Variants in RALGPS2 observed in about 807,000 individuals in gnomAD.
RALGPS2 encodes the protein Ral GEF with PH domain and SH3 binding motif 2, also known as ras-specific guanine nucleotide-releasing factor RalGPS2.
A neutral mutation model predicts 86.8 loss-of-function variants in RALGPS2; 43 were observed. The observed-to-expected ratio is 0.50, with a 90% confidence interval of 0.39 to 0.64. RALGPS2 has a LOEUF of 0.64. Among genes scored for constraint, RALGPS2 ranks in the 30% least tolerant of loss-of-function variants. The pLI is 0.00. For synonymous variants in RALGPS2, 243 were observed against 231.3 expected (o/e 1.05, Z -0.46); for missense variants, 536 against 694.6 (o/e 0.77, Z 2.57).
At chr1:178,877,367 A>G in intron 8 of RALGPS2, 131 bp from the exon 9 acceptor site, 2 of 1,356,870 alleles carry the variant, frequency 1.5e-6, no homozygotes, top group South Asian at 3.1e-5. Context: ...GCTTCAGTGT[A>G]TTAATAGCAA....
At chr1:178,766,844 A>G (rs767743869) in intron 1 of RALGPS2, among the ~76,000 whole-genome samples, 1 of 152,218 alleles carries the variant, frequency 6.6e-6, no homozygotes, top group Non-Finnish European at 1.5e-5. Flanking sequence ...ATGTTTTCCA[A>G]GTTGCCTGCT....
intron 8 of RALGPS2, among the ~76,000 whole-genome samples, chr1:178,845,164 G>A (rs6666070): frequency 0.1 from 15,637 of 151,628 alleles, 1,848 homozygotes; most frequent in African/African-American, 0.29. Context: ...GCAGTACTCT[G>A]TACTGCTTCC....
In RALGPS2 at chr1:178,857,932, G is replaced by T. The variant is rs186587165; in HGVS notation, c.608-19566G>T. 7.2e-5 allele frequency among the ~76,000 whole-genome samples: 11 copies of T among 152,234 alleles called. No individual in the cohort carries two copies. The East Asian group carries it at 2.1e-3, about 29-fold the overall frequency. On this transcript the variant is annotated intron_variant, in intron 8 of 19. Coordinates refer to ENST00000367635, the MANE Select transcript of RALGPS2 (RefSeq NM_152663.5). ...TCAGATGTTTAAAGCAAAATAGAGA[G>T]TTCTGGTTTTCTGAATCCAGCTTTG...
chr1:178,819,208 T>A (rs7554100), intron 6 of RALGPS2, among the ~76,000 whole-genome samples: 2 of 151,788 alleles, frequency 1.3e-5, no homozygotes, highest in African/African-American at 4.8e-5. Context: ...GCCCAGGCTG[T>A]TCATGAACTC....
chr1:178,848,448 G>A (rs1366089977), intron 8 of RALGPS2, among the ~76,000 whole-genome samples: 1 of 152,122 alleles, frequency 6.6e-6, no homozygotes, highest in Non-Finnish European at 1.5e-5. Flanking sequence ...GTAGCTCTTG[G>A]ACCTTACCTA....
chr1:178,871,098 T>A (rs1193418923), intron 8 of RALGPS2: 1 of 152,096 alleles, frequency 6.6e-6, no homozygotes, highest in African/African-American at 2.4e-5. Context: ...AGTGATTCCC[T>A]CTTTCTCAGT....
intron 8 of RALGPS2, chr1:178,869,090 ATAAAT>A (rs1403586670): frequency 1.3e-5 from 2 of 152,102 alleles, no homozygotes; most frequent in African/African-American, 4.8e-5. Flanking sequence ...AGAGAATGTT[ATAAAT>A]TAGTTATAGA....
At chr1:178,780,276 A>G (rs959692922) in intron 2 of RALGPS2, among the ~76,000 whole-genome samples, 2 of 152,140 alleles carry the variant, frequency 1.3e-5, no homozygotes, top group Non-Finnish European at 2.9e-5. Context: ...GAGCCTGTCC[A>G]CTGTGCTTTA....
chr1:178,808,090 G>T lies in RALGPS2; in HGVS notation c.259G>T (p.Ala87Ser), dbSNP rs1572353081. Residue 87 changes from alanine (A) to serine (S), a missense_variant, in exon 5 of 20, where the codon GCA becomes TCA. Physicochemically the swap from Ala to Ser is moderately conservative, Grantham distance 99. Coordinates refer to ENST00000367635, the MANE Select transcript of RALGPS2 (RefSeq NM_152663.5). ...GAATAAAAAAGAAAAATATAGTTCT[G>T]CACCAAATGCAGTTGCCTTCACAAG... Reference protein sequence around the residue: ...GWNKKEKYSSAPNAVAFTRRF... With the variant: ...GWNKKEKYSSSPNAVAFTRRF... The T allele has an allele frequency of 6.2e-7, 1 of 1,611,138 alleles. No homozygotes were observed. The highest frequency in any genetic ancestry group is 2.2e-5 in the East Asian group (1 of 44,736).
At chr1:178,894,123 A>G in intron 16 of RALGPS2, 99 bp downstream of exon 16, 1 of 689,550 alleles carries the variant, frequency 1.5e-6, no homozygotes, top group East Asian at 2.8e-5. Context: ...AAACCTGATT[A>G]TAGTAGACTT....
At chr1:178,842,828 A>G (rs1656657600) in intron 8 of RALGPS2, among the ~76,000 whole-genome samples, 1 of 148,072 alleles carries the variant, frequency 6.8e-6, no homozygotes, top group African/African-American at 2.5e-5. Context: ...CAACCCCATC[A>G]AAAAGTGGGC....
intron 7 of RALGPS2, among the ~76,000 whole-genome samples, chr1:178,824,589 A>G (rs958278219): frequency 6.6e-6 from 1 of 152,120 alleles, no homozygotes; most frequent in African/African-American, 2.4e-5. Context: ...CGGGCGGATC[A>G]CAAGGTCAGG....
chr1:178,830,065 G>A (rs1332045170), intron 7 of RALGPS2, among the ~76,000 whole-genome samples: 4 of 152,124 alleles, frequency 2.6e-5, no homozygotes, highest in Admixed American at 6.5e-5. Context: ...AATCTTAAAT[G>A]TTCTTACCAT....
rs1250113913 is a variant in RALGPS2, at chr1:178,811,313, A to G, written c.298-2A>G. On this transcript the variant is annotated splice_acceptor_variant, in intron 5 of 19. Coordinates refer to ENST00000367635, the MANE Select transcript of RALGPS2 (RefSeq NM_152663.5). LOFTEE classifies it high-confidence loss of function. ...ATATTTATTTAAAATTTTTATTTACAGGTAAGCTTTTGGGTTGTTAGAGAG... is the reference window on the plus strand; with the variant it reads ...ATATTTATTTAAAATTTTTATTTACGGGTAAGCTTTTGGGTTGTTAGAGAG... 2 of 1,527,780 alleles carry G rather than the reference A, an allele frequency of 1.3e-6. No individual in the cohort carries two copies. Among genetic ancestry groups the G allele is most frequent in the Non-Finnish European group, 8.7e-7 (1 of 1,144,144 alleles). The allele number at this position is 1,527,780 out of a possible 1,614,324, so 94.6% of individuals were successfully genotyped here. A position where few individuals can be genotyped will look rare whatever the true frequency, so the allele number is the denominator to read the frequency against.
At chr1:178,819,335 C>T (rs948652140) in intron 6 of RALGPS2, among the ~76,000 whole-genome samples, 1 of 152,116 alleles carries the variant, frequency 6.6e-6, no homozygotes, top group East Asian at 1.9e-4. Flanking sequence ...GGCTGCAAAC[C>T]TCCATAAGAC....
chr1:178,759,527 C>CTTTTTTTTTTTTTTTT (rs59419655), intron 1 of RALGPS2, among the ~76,000 whole-genome samples: 1 of 115,056 alleles, frequency 8.7e-6, no homozygotes, highest in Non-Finnish European at 1.9e-5. Flanking sequence ...CAGTTTTGTT[C>CTTTTTTTTTTTTTTTT]TTTTTTTTTT....
At position 178,788,901 on chromosome 1, in the gene RALGPS2, C is replaced by G. The variant is rs1202937632; in HGVS notation, c.213+3294C>G. On this transcript the variant is annotated intron_variant, in intron 4 of 19. Coordinates refer to ENST00000367635, the MANE Select transcript of RALGPS2 (RefSeq NM_152663.5). ...TTTTCTTTCTTTCTTTCCTTTCTTT[C>G]TTCTTCTTTTTTCTTTTTTTTTGAC... Among the ~76,000 whole-genome samples the G allele has an allele frequency of 5.1e-5, 4 of 78,824 alleles. No homozygotes were observed. The Admixed American group carries it at 5.5e-4, about 11-fold the overall frequency. The allele number at this position is 78,824 out of a possible 152,430, so 51.7% of individuals were successfully genotyped here.
chr1:178,774,801 T>C (rs1652995393), intron 1 of RALGPS2, among the ~76,000 whole-genome samples: 1 of 152,230 alleles, frequency 6.6e-6, no homozygotes, highest in Non-Finnish European at 1.5e-5. Context: ...TGTTCTGCTC[T>C]TAGCAGGTAC....
rs567539242 is a variant in RALGPS2 at position 178,814,163 on chromosome 1, G to C, written c.387+2759G>C. Among the ~76,000 whole-genome samples the C allele has an allele frequency of 1.1e-4, 16 of 152,086 alleles. No individual in the cohort carries two copies. The South Asian group carries it at 2.1e-3, about 20-fold the overall frequency. ...TATGTTGCTGCAAATATATGCTTTT[G>C]GATTTTGTTTAAATTGAATTATTCC... On this transcript the variant is annotated intron_variant, in intron 6 of 19. Coordinates refer to ENST00000367635, the MANE Select transcript of RALGPS2 (RefSeq NM_152663.5).
Sources: allele counts gnomAD v4.1 joint callset (sites outside exome capture counted in the v4.1 genomes callset), GRCh38; gene constraint gnomAD v4.1.1; transcripts MANE v1.5; gene names NCBI Gene and HGNC (gene_info 2026-07-23, HGNC 2026-07-21).